DOCK2: variants seen among roughly 807,000 people sequenced by gnomAD.
DOCK2 encodes dedicator of cytokinesis protein 2.
Under a neutral mutation model 248.9 loss-of-function variants are expected in DOCK2, and 87 were observed. That is an observed-to-expected ratio of 0.35 (90% CI 0.29 to 0.42). DOCK2 has a LOEUF of 0.42. Ranked by LOEUF, DOCK2 falls within the 10% of genes least tolerant of loss-of-function variation. DOCK2 has a pLI of 1.00. For synonymous variants in DOCK2, 805 were observed against 821.6 expected (o/e 0.98, Z 0.35); for missense variants, 1,747 against 2,300.2 (o/e 0.76, Z 4.92).
intron 23 of DOCK2, among the ~76,000 whole-genome samples, chr5:169,759,116 C>T (rs1764343952): frequency 6.6e-6 from 1 of 152,142 alleles, no homozygotes; most frequent in South Asian, 2.1e-4. Flanking sequence ...GGAAGCAATC[C>T]ACTACAATGC....
intron 26 of DOCK2, among the ~76,000 whole-genome samples, chr5:169,832,223 A>C (rs1045359781): frequency 1.9e-4 from 29 of 152,194 alleles, no homozygotes; most frequent in African/African-American, 7.0e-4. Context: ...ATATAATAAG[A>C]CCTTGAAACT....
At chr5:169,856,003 A>C (rs1010020122) in intron 27 of DOCK2, among the ~76,000 whole-genome samples, 3 of 152,114 alleles carry the variant, frequency 2.0e-5, no homozygotes, top group African/African-American at 7.2e-5. Context: ...GGAGAGAGAG[A>C]GCAGTGAGGA....
At chr5:169,866,407 T>A (rs953435556) in intron 27 of DOCK2, among the ~76,000 whole-genome samples, 1 of 152,250 alleles carries the variant, frequency 6.6e-6, no homozygotes, top group Non-Finnish European at 1.5e-5. Flanking sequence ...GGCTATGGTG[T>A]CCTCATCTGC....
chr5:169,840,585 CGATGATGATGATGAT>C (rs10684419), intron 26 of DOCK2, among the ~76,000 whole-genome samples, 157 bp from the exon 27 acceptor site: 3 of 148,094 alleles, frequency 2.0e-5, no homozygotes, highest in African/African-American at 7.6e-5. Flanking sequence ...GGAGATATGG[CGATGATGATGATGAT>C]GATGATGATG....
At chr5:169,693,220 G>A (rs1051709400) in intron 9 of DOCK2, among the ~76,000 whole-genome samples, 8 of 152,194 alleles carry the variant, frequency 5.3e-5, no homozygotes, top group African/African-American at 1.9e-4. Flanking sequence ...GATATGTAGA[G>A]GAGGAAGAGG....
chr5:169,947,845 C>CAGCATAAATACA (rs1776507263), intron 27 of DOCK2, among the ~76,000 whole-genome samples: 6 of 151,804 alleles, frequency 4.0e-5, no homozygotes, highest in Admixed American at 2.0e-4. Context: ...GCATAAATAC[C>CAGCATAAATACA]TACAGCATAC....
intron 2 of DOCK2, among the ~76,000 whole-genome samples, chr5:169,663,723 G>A (rs1178816959): frequency 6.6e-6 from 1 of 152,236 alleles, no homozygotes; most frequent in Non-Finnish European, 1.5e-5. Flanking sequence ...CTGGCATACA[G>A]GGTGCCAAGT....
Position 169,681,843 on chromosome 5 carries a change from A to G in DOCK2, c.570A>G (p.Ala190=), listed in dbSNP as rs750607740. The G allele has an allele frequency of 6.2e-7, 1 of 1,614,028 alleles. No individual in the cohort carries two copies. The highest frequency in any genetic ancestry group is 2.2e-5 in the East Asian group (1 of 44,874). ...VISLFHAHEE[A]TDKITERIKE... is the part of the protein sequence containing the mutation. Reference sequence around the variant, plus strand: ...GCTTGTTCCATGCACATGAGGAAGCAACTGATAAAATCACAGAGCGTATCA... The same window carrying G: ...GCTTGTTCCATGCACATGAGGAAGCGACTGATAAAATCACAGAGCGTATCA... Residue 190 remains alanine, a synonymous_variant, in exon 7 of 52, where the codon GCA becomes GCG. Transcript: ENST00000520908.
chr5:170,060,861 C>T (rs1265439711), intron 44 of DOCK2, among the ~76,000 whole-genome samples: 1 of 152,070 alleles, frequency 6.6e-6, no homozygotes, highest in Non-Finnish European at 1.5e-5. Context: ...GAAACCCCGT[C>T]TCTACTAAAA....
intron 27 of DOCK2, among the ~76,000 whole-genome samples, chr5:169,890,262 T>C (rs774976449): frequency 1.3e-5 from 2 of 152,160 alleles, no homozygotes; most frequent in South Asian, 4.1e-4. Context: ...TGTAGGGATA[T>C]GTCTTCCACT....
At position 169,684,189 on chromosome 5, in the gene DOCK2, C is replaced by T; in HGVS notation, c.607-7C>T. 1 of 1,613,518 alleles carries T rather than the reference C, an allele frequency of 6.2e-7. No individual in the cohort carries two copies. Among genetic ancestry groups the T allele is most frequent in the Non-Finnish European group, 8.5e-7 (1 of 1,179,574 alleles). Reference sequence around the variant, plus strand: ...CATCTTCTTTCCTTCTTCCTTCTGCCTTTCAGTCAAAAGACCAGCCAGATT... The same window carrying T: ...CATCTTCTTTCCTTCTTCCTTCTGCTTTTCAGTCAAAAGACCAGCCAGATT... On this transcript the variant is annotated splice_region_variant and splice_polypyrimidine_tract_variant and intron_variant, in intron 7 of 51. Coordinates refer to ENST00000520908, the MANE Select transcript of DOCK2 (RefSeq NM_004946.3).
chr5:169,893,992 T>C (rs1281576427), intron 27 of DOCK2, among the ~76,000 whole-genome samples: 3 of 152,222 alleles, frequency 2.0e-5, no homozygotes, highest in African/African-American at 7.2e-5. Context: ...GTCTTTCCAT[T>C]CTGAAGGGAC....
chr5:169,982,880 G>A (rs1421263626), intron 27 of DOCK2, among the ~76,000 whole-genome samples, 188 bp from the exon 28 acceptor site: 6 of 152,196 alleles, frequency 3.9e-5, no homozygotes, highest in African/African-American at 7.2e-5. Context: ...CCCAGTGTGC[G>A]AACAGCAGGA....
At chr5:169,850,467 A>G (rs1322421183) in intron 27 of DOCK2, among the ~76,000 whole-genome samples, 1 of 152,106 alleles carries the variant, frequency 6.6e-6, no homozygotes, top group African/African-American at 2.4e-5. Context: ...TTTGTGTCAT[A>G]TATATGTGTA....
chr5:169,740,188 C>G (rs1260826969), intron 22 of DOCK2, among the ~76,000 whole-genome samples: 1 of 152,192 alleles, frequency 6.6e-6, no homozygotes, highest in African/African-American at 2.4e-5. Context: ...ATCTTATTAC[C>G]TACTTACTAT....
chr5:169,996,756 C>T (rs1754651042), intron 30 of DOCK2, among the ~76,000 whole-genome samples: 1 of 152,162 alleles, frequency 6.6e-6, no homozygotes, highest in Admixed American at 6.5e-5. Flanking sequence ...GGAAGGCCCC[C>T]CACAAAAGGA....
At position 169,796,616 on chromosome 5, in the gene DOCK2, G is replaced by A. The variant is rs79221247; in HGVS notation, c.2555-6442G>A. On this transcript the variant is annotated intron_variant, in intron 25 of 51. Transcript: ENST00000520908. ...CTGTTACATAGACAATGACCATATCGTGTGATAAATAGTAAGATGGAAATA... is the reference window on the plus strand; with the variant it reads ...CTGTTACATAGACAATGACCATATCATGTGATAAATAGTAAGATGGAAATA... 1.7e-3 allele frequency among the ~76,000 whole-genome samples: 262 copies of A among 152,284 alleles called. 3 individuals carry two copies. The highest frequency in any genetic ancestry group is 3.4e-3 in the Middle Eastern group (1 of 294).
At chr5:169,758,706 G>T (rs1764324117) in intron 23 of DOCK2, among the ~76,000 whole-genome samples, 1 of 152,164 alleles carries the variant, frequency 6.6e-6, no homozygotes, top group African/African-American at 2.4e-5. Context: ...TGTTTCCCTT[G>T]CAGGGTTGTA....
chr5:169,997,916 A>C (rs1296106297), intron 30 of DOCK2: 2 of 456,222 alleles, frequency 4.4e-6, no homozygotes, highest in Non-Finnish European at 8.8e-6. Context: ...CCTGGACTGT[A>C]TCCGTGCCTC....
Sources: gnomAD v4.1 joint callset for allele counts (sites outside exome capture counted in the v4.1 genomes callset) on GRCh38, gnomAD v4.1.1 for gene constraint, MANE v1.5 for transcripts, NCBI Gene and HGNC (gene_info 2026-07-23, HGNC 2026-07-21) for gene names.